Variants in HCN1 observed in about 807,000 individuals in gnomAD.
HCN1 encodes the protein hyperpolarization activated cyclic nucleotide gated potassium channel 1, also known as potassium/sodium hyperpolarization-activated cyclic nucleotide-gated channel 1.
HCN1 carries 13 observed loss-of-function variants against 78.9 expected under a neutral mutation model. The ratio of observed to expected loss-of-function variants is 0.16; its 90% CI spans 0.11 to 0.26. The LOEUF (loss-of-function observed/expected upper bound fraction) is 0.26. Ranked by LOEUF, HCN1 falls within the 10% of genes least tolerant of loss-of-function variation. The pLI is 1.00. For synonymous variants in HCN1, 552 were observed against 455.5 expected (o/e 1.21, Z -2.70); for missense variants, 810 against 1,154.3 (o/e 0.70, Z 4.32).
At chr5:45,545,912 C>T (rs1002331473) in intron 2 of HCN1, among the ~76,000 whole-genome samples, 1 of 151,962 alleles carries the variant, frequency 6.6e-6, no homozygotes, top group Non-Finnish European at 1.5e-5. Flanking sequence ...TGTGTTTTAG[C>T]TTCATTCAGA....
At chr5:45,419,992 A>C (rs968688338) in intron 3 of HCN1, among the ~76,000 whole-genome samples, 3 of 152,194 alleles carry the variant, frequency 2.0e-5, no homozygotes, top group African/African-American at 7.2e-5. Flanking sequence ...GGGAGAATGC[A>C]CATGGGAAAA....
At chr5:45,270,432 T>C (rs1744939983) in intron 6 of HCN1, among the ~76,000 whole-genome samples, 1 of 152,200 alleles carries the variant, frequency 6.6e-6, no homozygotes, top group Non-Finnish European at 1.5e-5. Context: ...TAGTATATGA[T>C]GCCAGCCATA....
intron 1 of HCN1, among the ~76,000 whole-genome samples, chr5:45,693,262 A>G (rs1472104336): frequency 5.9e-5 from 9 of 152,244 alleles, no homozygotes; most frequent in Non-Finnish European, 1.2e-4. Flanking sequence ...ATACAAAAAA[A>G]TGAAACAATA....
intron 2 of HCN1, among the ~76,000 whole-genome samples, chr5:45,597,010 C>T (rs1288017664): frequency 6.6e-6 from 1 of 152,134 alleles, no homozygotes; most frequent in Non-Finnish European, 1.5e-5. Flanking sequence ...GCTACCATTC[C>T]TTCTGAAACT....
chr5:45,570,392 G>T (rs888983538), intron 2 of HCN1, among the ~76,000 whole-genome samples: 2 of 151,956 alleles, frequency 1.3e-5, no homozygotes, highest in African/African-American at 4.8e-5. Flanking sequence ...TCATCTCCAT[G>T]TTTATTAGGC....
chr5:45,497,528 T>G (rs1355563936), intron 2 of HCN1, among the ~76,000 whole-genome samples: 1 of 152,214 alleles, frequency 6.6e-6, no homozygotes, highest in Non-Finnish European at 1.5e-5. Context: ...TTGCAACCCC[T>G]GCCTTTTTTT....
rs184234730 is a variant in HCN1 at position 45,493,080 on chromosome 5, T to C, written c.850-31073A>G. 8.3e-3 allele frequency among the ~76,000 whole-genome samples: 1,267 copies of C among 152,266 alleles called. 12 individuals carry two copies. The highest frequency in any genetic ancestry group is 0.013 in the Non-Finnish European group (907 of 68,016). On this transcript the variant is annotated intron_variant, in intron 2 of 7. Coordinates refer to ENST00000303230, the MANE Select transcript of HCN1 (RefSeq NM_021072.4). ...TGTAGACTATTTCTCATACAAATTCTTGTAAAATATTTTACTAGGCACACC... is the reference window on the plus strand; with the variant it reads ...TGTAGACTATTTCTCATACAAATTCCTGTAAAATATTTTACTAGGCACACC...
chr5:45,449,157 A>G (rs982393370), intron 3 of HCN1, among the ~76,000 whole-genome samples: 1 of 152,148 alleles, frequency 6.6e-6, no homozygotes, highest in East Asian at 1.9e-4. Flanking sequence ...ATTTACCTCA[A>G]AATTCTGTGA....
At chr5:45,605,686 C>T (rs959393826) in intron 2 of HCN1, among the ~76,000 whole-genome samples, 1 of 151,854 alleles carries the variant, frequency 6.6e-6, no homozygotes, top group Non-Finnish European at 1.5e-5. Context: ...CAGTTGTTAT[C>T]TGGTGAATGA....
At chr5:45,480,394 T>C (rs567064383) in intron 2 of HCN1, among the ~76,000 whole-genome samples, 3 of 152,316 alleles carry the variant, frequency 2.0e-5, no homozygotes, top group South Asian at 2.1e-4. Flanking sequence ...TTTTAATACA[T>C]ATTTTTTAAA....
At chr5:45,621,134 G>T (rs1745052308) in intron 2 of HCN1, among the ~76,000 whole-genome samples, 1 of 152,134 alleles carries the variant, frequency 6.6e-6, no homozygotes, top group African/African-American at 2.4e-5. Flanking sequence ...ATTGAGAGAG[G>T]TGTAAATGTG....
chr5:45,304,698 A>G (rs888043715), intron 5 of HCN1, among the ~76,000 whole-genome samples: 2 of 152,090 alleles, frequency 1.3e-5, no homozygotes, highest in African/African-American at 4.8e-5. Flanking sequence ...AAATAAAATT[A>G]TAAATTCAAC....
chr5:45,452,504 A>G (rs1203359712), intron 3 of HCN1, among the ~76,000 whole-genome samples: 1 of 151,702 alleles, frequency 6.6e-6, no homozygotes, highest in African/African-American at 2.4e-5. Flanking sequence ...GATGGGGTAT[A>G]TAAGATAGTA....
chr5:45,375,246 A>T (rs1184929994), intron 4 of HCN1, among the ~76,000 whole-genome samples: 1 of 117,502 alleles, frequency 8.5e-6, no homozygotes, highest in African/African-American at 3.5e-5. Flanking sequence ...ATAATATATT[A>T]TACATAATAT....
chr5:45,526,254 G>A (rs1427308829), intron 2 of HCN1, among the ~76,000 whole-genome samples: 2 of 152,044 alleles, frequency 1.3e-5, no homozygotes, highest in South Asian at 2.1e-4. Flanking sequence ...GTTTCCCACT[G>A]TTGAGGTCAT....
At chr5:45,421,681 T>A (rs2112067908) in intron 3 of HCN1, among the ~76,000 whole-genome samples, 1 of 152,352 alleles carries the variant, frequency 6.6e-6, no homozygotes, top group Admixed American at 6.5e-5. Flanking sequence ...ATTTCAATGT[T>A]GAATGCTATC....
At chr5:45,421,097 C>T (rs1740216672) in intron 3 of HCN1, among the ~76,000 whole-genome samples, 1 of 151,442 alleles carries the variant, frequency 6.6e-6, no homozygotes, top group Non-Finnish European at 1.5e-5. Context: ...GAGTCTTGCT[C>T]TGTCGCCCAG....
chr5:45,414,658 A>T (rs1472882839), intron 3 of HCN1, among the ~76,000 whole-genome samples: 2 of 152,076 alleles, frequency 1.3e-5, no homozygotes, highest in Non-Finnish European at 2.9e-5. Flanking sequence ...CTAAATAGTT[A>T]TCAGGCTAGC....
intron 2 of HCN1, among the ~76,000 whole-genome samples, chr5:45,533,067 C>T (rs934582689): frequency 1.3e-5 from 2 of 152,084 alleles, no homozygotes; most frequent in African/African-American, 2.4e-5. Flanking sequence ...GCTAAGATTT[C>T]GAGCTCTGAG....
Sources: gnomAD v4.1 joint callset for allele counts (sites outside exome capture counted in the v4.1 genomes callset) on GRCh38, gnomAD v4.1.1 for gene constraint, MANE v1.5 for transcripts, NCBI Gene and HGNC (gene_info 2026-07-23, HGNC 2026-07-21) for gene names.